PCNX4: variants seen among roughly 807,000 people sequenced by gnomAD.
PCNX4 encodes pecanex 4.
In PCNX4, 103 loss-of-function variants were observed where a neutral mutation model predicts 107.2. The observed-to-expected ratio is 0.96, with a 90% CI of 0.82 to 1.13. The LOEUF is 1.13. Ranked by LOEUF, PCNX4 falls within the 50% of genes most tolerant of loss-of-function variation. The pLI is 0.00. For missense variants in PCNX4, 1,528 were observed against 1,379.4 expected, an observed-to-expected ratio of 1.11 and a Z score of -1.71; for synonymous variants, 541 against 481.7, an observed-to-expected ratio of 1.12 and a Z score of -1.61.
In PCNX4 at chr14:60,125,136, G is replaced by A; in HGVS notation, c.2965G>A (p.Ala989Thr). The A allele has an allele frequency of 6.2e-7, 1 of 1,612,892 alleles. No individual in the cohort carries two copies. The highest frequency in any genetic ancestry group is 1.1e-5 in the South Asian group (1 of 90,998). Residue 989 changes from alanine to threonine, a missense_variant, in exon 9 of 11, where the codon GCT becomes ACT. Physicochemically the swap from Ala to Thr is moderately conservative, Grantham distance 58 (BLOSUM62 0). Coordinates refer to ENST00000406854, the MANE Select transcript of PCNX4 (RefSeq NM_001330177.2). ...TAGTTTATTTGGAATAGACAATATG[G>A]CTCCTAGTCCTGGTCATATATTGAG... Reference protein sequence around the residue: ...YFSLFGIDNMAPSPGHILRVY... With the variant: ...YFSLFGIDNMTPSPGHILRVY...
chr14:60,114,880 G>A lies in PCNX4; in HGVS notation c.869+1G>A. 1.3e-6 allele frequency: 2 copies of A among 1,592,406 alleles called. No homozygotes were observed. Among genetic ancestry groups the A allele is most frequent in the Non-Finnish European group, 1.7e-6 (2 of 1,173,482 alleles). On this transcript the variant is annotated splice_donor_variant, in intron 3 of 10. Transcript: ENST00000406854. LOFTEE classifies it high-confidence loss of function. ...GCTCATCTATGTCAACCCACTTACG[G>A]TATTTATTTTTAAATATTGATGTTA...
intron 1 of PCNX4, among the ~76,000 whole-genome samples, chr14:60,092,805 G>C (rs528122397): frequency 6.6e-6 from 1 of 152,080 alleles, no homozygotes; most frequent in South Asian, 2.1e-4. Flanking sequence ...AACGTGAAGC[G>C]CTCCTTCCCC....
intron 1 of PCNX4, among the ~76,000 whole-genome samples, chr14:60,104,318 CA>C (rs200434027): frequency 0.019 from 2,362 of 127,588 alleles, 6 homozygotes; most frequent in African/African-American, 0.042. Flanking sequence ...GACTCCATCT[CA>C]AAAAAAAAAA....
rs145373753 is a variant in PCNX4 at position 60,118,686 on chromosome 14, A to G, written c.1936A>G (p.Ser646Gly). 2.6e-5 allele frequency: 40 copies of G among 1,568,224 alleles called. No homozygotes were observed. The African/African-American group carries it at 5.0e-4, about 20-fold the overall frequency. ...AVLQTAMAAG[S>G]LGLLLPGSHY... ...ACTGCAGACTGCAATGGCAGCTGGA[A>G]GTTTAGGTAAGTAAATGGGTTGTGC... Residue 646 changes from serine (S) to glycine (G), a missense_variant, in exon 7 of 11, where the codon AGT becomes GGT. By Grantham distance (56) the Ser-to-Gly change is moderately conservative. Transcript: ENST00000406854.
At chr14:60,121,921 A>T (rs904308786) in intron 8 of PCNX4, among the ~76,000 whole-genome samples, 1 of 152,082 alleles carries the variant, frequency 6.6e-6, no homozygotes, top group Non-Finnish European at 1.5e-5. Context: ...CACTTGTTTC[A>T]TGGGTTACTT....
chr14:60,102,785 T>C (rs530282020), intron 1 of PCNX4, among the ~76,000 whole-genome samples: 3 of 152,200 alleles, frequency 2.0e-5, no homozygotes, highest in African/African-American at 7.2e-5. Flanking sequence ...CTTTCAGAAC[T>C]ATGTGCCAAA....
rs886156452 is a variant in PCNX4, at chr14:60,140,878, T to A, written c.*6657T>A. ...TTCAGAGTCAGAGATAGATTTCTTA[T>A]TACTCAGGGTAAACAAGTGCACCTG... On this transcript the variant is annotated 3_prime_UTR_variant, in exon 11 of 11. Transcript: ENST00000406854. The surrounding 1 kb of genome is among the most constrained non-coding windows in gnomAD (Gnocchi z 4.2). 1.3e-5 allele frequency: 2 copies of A among 152,214 alleles called. No individual in the cohort carries two copies. The highest frequency in any genetic ancestry group is 2.4e-5 in the African/African-American group (1 of 41,446). The allele number at this position is 152,214 out of a possible 1,614,324, so 9.4% of individuals were successfully genotyped here.
At chr14:60,133,311 T>C (rs577770320) in intron 10 of PCNX4, among the ~76,000 whole-genome samples, 2 of 152,292 alleles carry the variant, frequency 1.3e-5, no homozygotes, top group South Asian at 2.1e-4. Flanking sequence ...CTTGAAAATA[T>C]GCTAAGTGAA....
At chr14:60,107,492 G>T (rs1895649868) in intron 1 of PCNX4, 94 bp from the exon 2 acceptor site, 1 of 684,578 alleles carries the variant, frequency 1.5e-6, no homozygotes, top group Non-Finnish European at 2.4e-6. Context: ...ACCCTTGAAG[G>T]AAGTGAGGAG....
chr14:60,115,345 T>G lies in PCNX4; in HGVS notation c.1241T>G (p.Ile414Ser). Residue 414 changes from isoleucine (I) to serine (S), a missense_variant, in exon 4 of 11, where the codon ATT becomes AGT. Coordinates refer to ENST00000406854, the MANE Select transcript of PCNX4 (RefSeq NM_001330177.2). ...AGAGAAATTCAAAGCGTATATATCA[T>G]TGGAATTTTCCGAAATCCCTTTTAT... ...ILREIQSVYI[I>S]GIFRNPFYPK... The G allele has an allele frequency of 1.2e-6, 2 of 1,605,666 alleles. No individual in the cohort carries two copies. The highest frequency in any genetic ancestry group is 1.7e-6 in the Non-Finnish European group (2 of 1,175,114).
Position 60,118,532 on chromosome 14 carries a change from C to T in PCNX4, c.1782C>T (p.Phe594=). The part of the protein sequence containing the change: ...TLLSSPLLPL[F]TLPVFLVGFP... ...TCTCTTCTCCCTTACTCCCTCTTTT[C>T]ACCCTTCCTGTGTTCTTGGTGGGGT... Residue 594 remains phenylalanine (F), a synonymous_variant, in exon 7 of 11, where the codon TTC becomes TTT. Coordinates refer to ENST00000406854, the MANE Select transcript of PCNX4 (RefSeq NM_001330177.2). 1 of 1,613,834 alleles carries T rather than the reference C, an allele frequency of 6.2e-7. No homozygotes were observed. Among genetic ancestry groups the T allele is most frequent in the Non-Finnish European group, 8.5e-7 (1 of 1,179,854 alleles).
chr14:60,136,306 C>T lies in PCNX4; in HGVS notation c.*2085C>T, dbSNP rs1896239479. The T allele has an allele frequency of 6.6e-6, 1 of 152,124 alleles. No individual in the cohort carries two copies. Among genetic ancestry groups the T allele is most frequent in the Non-Finnish European group, 1.5e-5 (1 of 68,012 alleles). 9.4% of individuals were successfully genotyped at this position (152,124 alleles called of 1,614,324 possible). A position where few individuals can be genotyped will look rare whatever the true frequency, so the allele number is the denominator to read the frequency against. ...ATCTTTGCTGCCTCTCCTCTTCTACCTGACCTCTAAATTTTAGAATTTCTC... is the reference window on the plus strand; with the variant it reads ...ATCTTTGCTGCCTCTCCTCTTCTACTTGACCTCTAAATTTTAGAATTTCTC... On this transcript the variant is annotated 3_prime_UTR_variant, in exon 11 of 11. Transcript: ENST00000406854.
chr14:60,132,043 T>C (rs968867038), intron 10 of PCNX4, among the ~76,000 whole-genome samples: 1 of 152,220 alleles, frequency 6.6e-6, no homozygotes, highest in Non-Finnish European at 1.5e-5. Flanking sequence ...TGGGTGACTT[T>C]TTAAAAAATG....
rs138504788 is a variant in PCNX4, at chr14:60,145,029, A to C, written c.*10808A>C. On this transcript the variant is annotated 3_prime_UTR_variant, in exon 11 of 11. Transcript: ENST00000406854. This position sits in a 1 kb window ranked among gnomAD's most constrained non-coding sequence, Gnocchi z 4.0. ...AGTCTGCATCCTGTAAAAGAGGGAC[A>C]GAAACATGGATCAGTACCTACTCCT... The C allele has an allele frequency of 9.6e-4, 1,505 of 1,571,612 alleles. 19 individuals carry two copies. In the African/African-American group the frequency reaches 0.017, roughly 18 times the overall value.
chr14:60,100,254 GCA>G (rs1045261915), intron 1 of PCNX4, among the ~76,000 whole-genome samples: 9 of 151,910 alleles, frequency 5.9e-5, no homozygotes, highest in Admixed American at 5.2e-4. Flanking sequence ...CCATTTTTCT[GCA>G]CACACACACG....
intron 6 of PCNX4, among the ~76,000 whole-genome samples, chr14:60,117,279 T>C (rs898284592): frequency 6.6e-6 from 1 of 152,192 alleles, no homozygotes; most frequent in Non-Finnish European, 1.5e-5. Flanking sequence ...TATTCAGGTA[T>C]ACCATTTTTT....
At position 60,145,942 on chromosome 14, in the gene PCNX4, T is replaced by C. The variant is rs1896395205; in HGVS notation, c.*11721T>C. 6.6e-6 allele frequency: 1 copy of C among 151,402 alleles called. No homozygotes were observed. The highest frequency in any genetic ancestry group is 2.4e-5 in the African/African-American group (1 of 41,308). 9.4% of individuals were successfully genotyped at this position (151,402 alleles called of 1,614,324 possible). A position where few individuals can be genotyped will look rare whatever the true frequency, so the allele number is the denominator to read the frequency against. On this transcript the variant is annotated 3_prime_UTR_variant, in exon 11 of 11. Coordinates refer to ENST00000406854, the MANE Select transcript of PCNX4 (RefSeq NM_001330177.2). The surrounding 1 kb of genome is among the most constrained non-coding windows in gnomAD (Gnocchi z 4.0). ...TACAGACTAAAGAAGCAAATTCTAG[T>C]TAACAAGTACTATTAGCTTGAAATA...
chr14:60,105,495 G>A (rs552897954), intron 1 of PCNX4, among the ~76,000 whole-genome samples: 5 of 152,030 alleles, frequency 3.3e-5, no homozygotes, highest in South Asian at 2.1e-4. Flanking sequence ...TTATACATAC[G>A]CAAACCATAT....
chr14:60,124,811 A>G lies in PCNX4; in HGVS notation c.2640A>G (p.Leu880=), dbSNP rs774775276. 4 of 1,613,742 alleles carry G rather than the reference A, an allele frequency of 2.5e-6. No individual in the cohort carries two copies. The highest frequency in any genetic ancestry group is 2.2e-5 in the South Asian group (2 of 91,086). ...VPENDLYKAV[L]LGYPAVDKGK... is the part of the protein sequence containing the mutation. ...AAAACGATCTTTACAAAGCAGTTCT[A>G]TTAGGATACCCTGCTGTTGACAAAG... The change falls in exon 9 of 11, where the codon CTA becomes CTG. Residue 880 remains leucine (L), a synonymous_variant. Coordinates refer to ENST00000406854, the MANE Select transcript of PCNX4 (RefSeq NM_001330177.2).
Sources: gnomAD v4.1 joint callset for allele counts (sites outside exome capture counted in the v4.1 genomes callset) on GRCh38, gnomAD v4.1.1 for gene constraint, Gnocchi (gnomAD v3.1) non-coding constraint, MANE v1.5 for transcripts, NCBI Gene and HGNC (gene_info 2026-07-23, HGNC 2026-07-21) for gene names.